The following SLC6A19 variants were observed in gnomAD, a reference collection of about 807,000 sequenced individuals.
SLC6A19 encodes sodium-dependent neutral amino acid transporter B(0)AT1.
SLC6A19 carries 67 observed loss-of-function variants against 68.3 expected under a neutral mutation model. That is an observed-to-expected ratio of 0.98 (90% CI 0.81 to 1.20). The LOEUF (loss-of-function observed/expected upper bound fraction) is 1.20, where lower values mean the gene tolerates loss of function less well. SLC6A19 is among the 50% of genes most tolerant of loss of function. The pLI is 0.00. For missense variants in SLC6A19, 813 were observed against 851.6 expected, an observed-to-expected ratio of 0.95 and a Z score of 0.56; for synonymous variants, 392 against 374.9, an observed-to-expected ratio of 1.05 and a Z score of -0.53.
intron 6 of SLC6A19, 138 bp from the exon 7 acceptor site, chr5:1,216,420 C>T: frequency 7.8e-7 from 1 of 1,287,116 alleles, no homozygotes; most frequent in Non-Finnish European, 1.1e-6. Flanking sequence ...GGGGCTCCGA[C>T]TGCCTCCCCG....
intron 1 of SLC6A19, among the ~76,000 whole-genome samples, chr5:1,203,888 C>T (rs1745782070): frequency 6.6e-6 from 1 of 152,160 alleles, no homozygotes; most frequent in Admixed American, 6.5e-5. Context: ...CAATCTGGGC[C>T]GCAGCTCTGC....
rs376433704 is a variant in SLC6A19, at chr5:1,210,576, A to G, written c.476A>G (p.Gln159Arg). 34 of 1,612,656 alleles carry G rather than the reference A, an allele frequency of 2.1e-5. No homozygotes were observed. Among genetic ancestry groups the G allele is most frequent in the African/African-American group, 4.0e-5 (3 of 74,928 alleles). Reference protein sequence around the residue: ...PWSDCPLNENQTGYVDECARS... With the variant: ...PWSDCPLNENRTGYVDECARS... ...AGCGACTGCCCGCTCAACGAGAACC[A>G]GACAGGTGAGTCCTTGCAAGCAGCC... The change falls in exon 3 of 12, where the codon CAG becomes CGG. Residue 159 changes from glutamine to arginine, a missense_variant. By Grantham distance (43) the Gln-to-Arg change is conservative. Coordinates refer to ENST00000304460, the MANE Select transcript of SLC6A19 (RefSeq NM_001003841.3).
Position 1,216,674 on chromosome 5 carries a change from A to G in SLC6A19, c.1004A>G (p.Asp335Gly), listed in dbSNP as rs1483356312. 1 of 1,613,742 alleles carries G rather than the reference A, an allele frequency of 6.2e-7. No individual in the cohort carries two copies. Among genetic ancestry groups the G allele is most frequent in the Non-Finnish European group, 8.5e-7 (1 of 1,180,038 alleles). ...TTCCGCGCCACACAGCGCTACGACGACTGCTTCAGCACGTGAGTGGCTGTC... is the reference window on the plus strand; with the variant it reads ...TTCCGCGCCACACAGCGCTACGACGGCTGCTTCAGCACGTGAGTGGCTGTC... ...IGFRATQRYD[D>G]CFSTNILTLI... The change falls in exon 7 of 12, where the codon GAC (aspartate) becomes GGC (glycine). Residue 335 changes from aspartate to glycine, a missense_variant. Coordinates refer to ENST00000304460, the MANE Select transcript of SLC6A19 (RefSeq NM_001003841.3).
rs1475302331 is a variant in SLC6A19 at position 1,201,646 on chromosome 5, C to T, written c.-5C>T. 2 of 1,605,040 alleles carry T rather than the reference C, an allele frequency of 1.2e-6. No individual in the cohort carries two copies. The highest frequency in any genetic ancestry group is 1.7e-6 in the Non-Finnish European group (2 of 1,179,156). On this transcript the variant is annotated 5_prime_UTR_variant, in exon 1 of 12. Coordinates refer to ENST00000304460, the MANE Select transcript of SLC6A19 (RefSeq NM_001003841.3). ...TGCTGTGTGCGGAGCCGTCCAGCGA[C>T]CACCATGGTGAGGCTCGTGCTGCCC...
intron 1 of SLC6A19, among the ~76,000 whole-genome samples, chr5:1,205,647 G>A (rs140129220): frequency 7.9e-5 from 12 of 152,362 alleles, no homozygotes; most frequent in African/African-American, 2.9e-4. Context: ...AGGAAGACCC[G>A]AGCATTTAGG....
Position 1,219,639 on chromosome 5 carries a change from G to C in SLC6A19, c.1513G>C (p.Val505Leu). ...LIIAFCEMFS[V>L]VYVYGVDRFN... The stretch of plus-strand genomic sequence containing the variant: ...CATCGCCTTCTGCGAGATGTTCTCT[G>C]TGGTCTACGTGTACGGTGTGGACAG... Residue 505 changes from valine to leucine, a missense_variant, in exon 10 of 12, where the codon GTG (valine) becomes CTG (leucine). Coordinates refer to ENST00000304460, the MANE Select transcript of SLC6A19 (RefSeq NM_001003841.3). The C allele has an allele frequency of 6.2e-7, 1 of 1,607,162 alleles. No individual in the cohort carries two copies. Among genetic ancestry groups the C allele is most frequent in the Non-Finnish European group, 8.5e-7 (1 of 1,180,000 alleles).
In SLC6A19 at chr5:1,221,585, C is replaced by T. The variant is rs1005644226; in HGVS notation, c.1702-116C>T. The T allele has an allele frequency of 1.0e-5, 14 of 1,354,718 alleles. No homozygotes were observed. The African/African-American group carries it at 1.3e-4, about 13-fold the overall frequency. 83.9% of individuals were successfully genotyped at this position (1,354,718 alleles called of 1,614,324 possible). A position where few individuals can be genotyped will look rare whatever the true frequency, so the allele number is the denominator to read the frequency against. On this transcript the variant is annotated intron_variant, in intron 11 of 11. Coordinates refer to ENST00000304460, the MANE Select transcript of SLC6A19 (RefSeq NM_001003841.3). ...AGGGGAAGCTGGAGGAGCCCCAGGC[C>T]ACCCTGCCTGCCCCACAGGACAGGA...
intron 1 of SLC6A19, among the ~76,000 whole-genome samples, chr5:1,203,220 C>T (rs1478566066): frequency 6.6e-6 from 1 of 152,154 alleles, no homozygotes; most frequent in East Asian, 1.9e-4. Context: ...AGTTATTTGT[C>T]TTTGCACAGA....
chr5:1,204,433 G>A (rs1745796504), intron 1 of SLC6A19, among the ~76,000 whole-genome samples: 2 of 152,256 alleles, frequency 1.3e-5, no homozygotes, highest in South Asian at 2.1e-4. Context: ...GGTGCTGGGG[G>A]CAGTGGGCAG....
chr5:1,205,430 G>T (rs1745826460), intron 1 of SLC6A19, among the ~76,000 whole-genome samples: 1 of 152,184 alleles, frequency 6.6e-6, no homozygotes, highest in South Asian at 2.1e-4. Context: ...GTGGGTGTGT[G>T]CCCCCCACCC....
Position 1,219,165 on chromosome 5 carries a change from C to T in SLC6A19, c.1378+58C>T, listed in dbSNP as rs942236689. 7.2e-6 allele frequency: 11 copies of T among 1,531,876 alleles called. No individual in the cohort carries two copies. The East Asian group carries it at 2.2e-4, about 30-fold the overall frequency. The allele number at this position is 1,531,876 out of a possible 1,614,324, so 94.9% of individuals were successfully genotyped here. ...AATGGTGCCACCTGTGGGATGGCAG[C>T]CCCCGGCTGTGTGAACAGCTCTGTC... On this transcript the variant is annotated intron_variant, in intron 9 of 11. Transcript: ENST00000304460.
Position 1,222,053 on chromosome 5 carries a change from A to G in SLC6A19, c.*149A>G, listed in dbSNP as rs1746399100. 2 of 853,620 alleles carry G rather than the reference A, an allele frequency of 2.3e-6. No homozygotes were observed. The highest frequency in any genetic ancestry group is 5.3e-5 in the East Asian group (2 of 37,520). The allele number at this position is 853,620 out of a possible 1,614,324, so 52.9% of individuals were successfully genotyped here. On this transcript the variant is annotated 3_prime_UTR_variant, in exon 12 of 12. Transcript: ENST00000304460. Reference sequence around the variant, plus strand: ...TGTGTGTATTGTACACGCATGTGCCATGTGTGCAGATATGTATCGTGTGTG... The same window carrying G: ...TGTGTGTATTGTACACGCATGTGCCGTGTGTGCAGATATGTATCGTGTGTG...
rs2126508333 is a variant in SLC6A19 at position 1,215,893 on chromosome 5, G to A, written c.888-665G>A. ...TTTCCCCGTATCCTCACCAACACTTGTTATTGTCTGACTTTTGTTTCTGGC... is the reference window on the plus strand; with the variant it reads ...TTTCCCCGTATCCTCACCAACACTTATTATTGTCTGACTTTTGTTTCTGGC... On this transcript the variant is annotated intron_variant, in intron 6 of 11. Transcript: ENST00000304460. The surrounding 1 kb of genome is among the most constrained non-coding windows in gnomAD (Gnocchi z 5.1). Among the ~76,000 whole-genome samples, 1 of 152,304 alleles carries A rather than the reference G, an allele frequency of 6.6e-6. No homozygotes were observed. The highest frequency in any genetic ancestry group is 1.9e-4 in the East Asian group (1 of 5,178).
Position 1,201,685 on chromosome 5 carries a change from A to T in SLC6A19, c.35A>T (p.Asp12Val). ...CTCGTGCTGCCCAACCCCGGCCTAG[A>T]CGCCCGGATCCCGTCCCTGGCTGAG... is the stretch of plus-strand genomic sequence containing the variant. ...VRLVLPNPGL[D>V]ARIPSLAELE... Residue 12 changes from aspartate (D) to valine (V), a missense_variant, in exon 1 of 12, where the codon GAC (aspartate) becomes GTC (valine). Physicochemically the swap from Asp to Val is radical, Grantham distance 152 (BLOSUM62 -3). Coordinates refer to ENST00000304460, the MANE Select transcript of SLC6A19 (RefSeq NM_001003841.3). 1 of 1,610,080 alleles carries T rather than the reference A, an allele frequency of 6.2e-7. No individual in the cohort carries two copies. The highest frequency in any genetic ancestry group is 1.1e-5 in the South Asian group (1 of 91,006).
In SLC6A19 at chr5:1,222,397, G is replaced by A. The variant is rs1007536568; in HGVS notation, c.*493G>A. 49 of 459,972 alleles carry A rather than the reference G, an allele frequency of 1.1e-4. No individual in the cohort carries two copies. The highest frequency in any genetic ancestry group is 5.4e-4 in the Middle Eastern group (1 of 1,854). The allele number at this position is 459,972 out of a possible 1,614,324, so 28.5% of individuals were successfully genotyped here. ...TGGGTGTCCACATGCACGTGTATATGTATATCTGTGAGTGTATATACATGC... is the reference window on the plus strand; with the variant it reads ...TGGGTGTCCACATGCACGTGTATATATATATCTGTGAGTGTATATACATGC... On this transcript the variant is annotated 3_prime_UTR_variant, in exon 12 of 12. Coordinates refer to ENST00000304460, the MANE Select transcript of SLC6A19 (RefSeq NM_001003841.3).
At position 1,222,010 on chromosome 5, in the gene SLC6A19, T is replaced by C. The variant is rs1345516591; in HGVS notation, c.*106T>C. The C allele has an allele frequency of 2.5e-6, 3 of 1,220,404 alleles. No individual in the cohort carries two copies. Among genetic ancestry groups the C allele is most frequent in the Middle Eastern group, 2.2e-4 (1 of 4,588 alleles). 75.6% of individuals were successfully genotyped at this position (1,220,404 alleles called of 1,614,324 possible). ...GCACCTGCATGTGTGTAAGCGTGAG[T>C]GTATGCTCGTGTGTGAGTGTGTGTA... On this transcript the variant is annotated 3_prime_UTR_variant, in exon 12 of 12. Coordinates refer to ENST00000304460, the MANE Select transcript of SLC6A19 (RefSeq NM_001003841.3).
chr5:1,215,790 G>A lies in SLC6A19; in HGVS notation c.888-768G>A, dbSNP rs1045878879. Among the ~76,000 whole-genome samples the A allele has an allele frequency of 1.3e-5, 2 of 152,182 alleles. No individual in the cohort carries two copies. The highest frequency in any genetic ancestry group is 6.5e-5 in the Admixed American group (1 of 15,278). Reference sequence around the variant, plus strand: ...TGCGTCATGCTGGCCTCTACATGCAGTCCTTCGAGGAGCTGTCAGGCTGTT... The same window carrying A: ...TGCGTCATGCTGGCCTCTACATGCAATCCTTCGAGGAGCTGTCAGGCTGTT... On this transcript the variant is annotated intron_variant, in intron 6 of 11. Transcript: ENST00000304460. The surrounding 1 kb of genome is among the most constrained non-coding windows in gnomAD (Gnocchi z 5.1).
Position 1,214,015 on chromosome 5 carries a change from C to A in SLC6A19, c.837C>A (p.Phe279Leu), listed in dbSNP as rs149882746. 1.9e-6 allele frequency: 3 copies of A among 1,613,842 alleles called. No individual in the cohort carries two copies. The highest frequency in any genetic ancestry group is 2.5e-6 in the Non-Finnish European group (3 of 1,180,018). ...CGGGCGCACAGGTCTTCTTCTCCTTCTCCCTGGCCTTCGGGGGCCTCATCT... is the reference window on the plus strand; with the variant it reads ...CGGGCGCACAGGTCTTCTTCTCCTTATCCCTGGCCTTCGGGGGCCTCATCT... Reference protein sequence around the residue: ...LDAGAQVFFSFSLAFGGLISF... With the variant: ...LDAGAQVFFSLSLAFGGLISF... Residue 279 changes from phenylalanine to leucine, a missense_variant, in exon 6 of 12, where the codon TTC becomes TTA. By Grantham distance (22) the Phe-to-Leu change is conservative. Transcript: ENST00000304460. This position sits in a 1 kb window ranked among gnomAD's most constrained non-coding sequence, Gnocchi z 7.4.
chr5:1,210,293 C>G (rs1745988048), intron 2 of SLC6A19, 151 bp from the exon 3 acceptor site: 1 of 1,106,374 alleles, frequency 9.0e-7, no homozygotes, highest in Non-Finnish European at 1.3e-6. Flanking sequence ...CTGCATGATC[C>G]CGGCCTGCAC....
Sources: gnomAD v4.1 joint callset for allele counts (sites outside exome capture counted in the v4.1 genomes callset) on GRCh38, gnomAD v4.1.1 for gene constraint, Gnocchi (gnomAD v3.1) non-coding constraint, MANE v1.5 for transcripts, NCBI Gene and HGNC (gene_info 2026-07-23, HGNC 2026-07-21) for gene names.